Variants in ZNF737 observed in about 807,000 individuals in gnomAD.
ZNF737 encodes zinc finger protein 737, also known as zinc finger protein 102 (Y3).
Under a neutral mutation model 11.7 loss-of-function variants are expected in ZNF737, and 13 were observed. The ratio of observed to expected loss-of-function variants is 1.11; its 90% CI spans 0.73 to 1.77. The LOEUF (loss-of-function observed/expected upper bound fraction) is 1.77, where lower values mean the gene tolerates loss of function less well. ZNF737 is among the 40% of genes most tolerant of loss of function. The pLI, the probability that ZNF737 is intolerant of heterozygous loss-of-function variation, is 0.00. For missense variants in ZNF737, 636 were observed against 638.0 expected (o/e 1.00, Z 0.03); for synonymous variants, 217 against 216.2 (o/e 1.00, Z -0.03).
chr19:20,530,384 C>T, the ZNF737 span, among the ~76,000 whole-genome samples: 16 of 146,620 alleles, frequency 1.1e-4, 1 homozygote, highest in South Asian at 2.3e-4. Flanking sequence ...CCCTCCCGGA[C>T]GGGGCGACTG....
the ZNF737 span, among the ~76,000 whole-genome samples, chr19:20,530,448 G>A: frequency 9.4e-5 from 14 of 148,474 alleles, 1 homozygote; most frequent in East Asian, 8.3e-4. Context: ...GCTGCCGGGC[G>A]GAGACGCTCC....
At chr19:20,560,868 A>G (rs555229036) in intron 1 of ZNF737, among the ~76,000 whole-genome samples, 1 of 152,336 alleles carries the variant, frequency 6.6e-6, no homozygotes, top group East Asian at 1.9e-4. Context: ...GCTAAATAAT[A>G]AGAACACACA....
chr19:20,539,467 T>C lies in ZNF737; in HGVS notation c.*5125A>G. 1.0e-6 allele frequency: 1 copy of C among 985,446 alleles called. No individual in the cohort carries two copies. The highest frequency in any genetic ancestry group is 1.2e-6 in the Non-Finnish European group (1 of 829,936). 61.0% of individuals were successfully genotyped at this position (985,446 alleles called of 1,614,324 possible). A position where few individuals can be genotyped will look rare whatever the true frequency, so the allele number is the denominator to read the frequency against. On this transcript the variant is annotated 3_prime_UTR_variant, in exon 4 of 4. Coordinates refer to ENST00000427401, the MANE Select transcript of ZNF737 (RefSeq NM_001159293.2). ...TTAGTCATCTGGCCATTTCTGTAAGTACGGCAATTATGCGAAGCCATTGAA... is the reference window on the plus strand; with the variant it reads ...TTAGTCATCTGGCCATTTCTGTAAGCACGGCAATTATGCGAAGCCATTGAA...
At chr19:20,565,070 G>C (rs1969245104) in intron 1 of ZNF737, among the ~76,000 whole-genome samples, 1 of 151,670 alleles carries the variant, frequency 6.6e-6, no homozygotes, top group African/African-American at 2.4e-5. Context: ...GAGAAGCTGT[G>C]ATTACAGACA....
rs1161672154 is a variant in ZNF737, at chr19:20,545,794, A to G, written c.409T>C (p.Leu137=). 6.2e-7 allele frequency: 1 copy of G among 1,613,016 alleles called. No individual in the cohort carries two copies. The highest frequency in any genetic ancestry group is 1.3e-5 in the African/African-American group (1 of 74,832). Reference sequence around the variant, plus strand: ...AATATTTTGCTTTGAGTAGTTGTCAAATATTGGTTAAGTCCATTATAACCT... The same window carrying G: ...AATATTTTGCTTTGAGTAGTTGTCAGATATTGGTTAAGTCCATTATAACCT... ...KRGYNGLNQY[L]TTTQSKIFQC... is the part of the protein sequence containing the mutation. Residue 137 remains leucine (L), a synonymous_variant, in exon 4 of 4, where the codon TTG becomes CTG. Transcript: ENST00000427401.
Position 20,542,204 on chromosome 19 carries a change from AAAATT to A in ZNF737, c.*2383_*2387del, listed in dbSNP as rs1968234221. On this transcript the variant is annotated 3_prime_UTR_variant, in exon 4 of 4. Coordinates refer to ENST00000427401, the MANE Select transcript of ZNF737 (RefSeq NM_001159293.2). ...AGTCTTACCATGGTAAAAATAAAATAAAATTAAGTTCACAAATAATCTAACAAACT... is the reference window on the plus strand; with the variant it reads ...AGTCTTACCATGGTAAAAATAAAATAAAGTTCACAAATAATCTAACAAACT... 5 of 984,040 alleles carry A rather than the reference AAAATT, an allele frequency of 5.1e-6. No individual in the cohort carries two copies. Among genetic ancestry groups the A allele is most frequent in the African/African-American group, 1.8e-5 (1 of 57,110 alleles). The allele number at this position is 984,040 out of a possible 1,614,324, so 61.0% of individuals were successfully genotyped here.
rs868989548 is a variant in ZNF737, at chr19:20,546,358, T to C, written c.227-382A>G. ...CTGTAATCTCAGAACTCTGGGAAGG[T>C]GACACATGGGTGGATCATGAGAAAT... On this transcript the variant is annotated intron_variant, in intron 3 of 3. Coordinates refer to ENST00000427401, the MANE Select transcript of ZNF737 (RefSeq NM_001159293.2). Among the ~76,000 whole-genome samples the C allele has an allele frequency of 9.9e-5, 15 of 152,176 alleles. No homozygotes were observed. In the South Asian group the frequency reaches 2.3e-3, roughly 23 times the overall value.
chr19:20,549,531 G>A (rs1968588866), intron 3 of ZNF737, among the ~76,000 whole-genome samples: 1 of 151,892 alleles, frequency 6.6e-6, no homozygotes. Flanking sequence ...AGGAGGTCAA[G>A]GCAGAAGAAT....
chr19:20,557,168 G>T (rs782527319), intron 1 of ZNF737, among the ~76,000 whole-genome samples: 36 of 152,112 alleles, frequency 2.4e-4, no homozygotes, highest in Non-Finnish European at 4.3e-4. Context: ...AAATGTCTCC[G>T]CAAGCACTGG....
chr19:20,530,666 G>A, the ZNF737 span, among the ~76,000 whole-genome samples: 23 of 147,982 alleles, frequency 1.6e-4, 1 homozygote, highest in Admixed American at 1.4e-3. Flanking sequence ...CATCTCAGAC[G>A]ATGGGCAGCC....
chr19:20,544,416 T>C lies in ZNF737; in HGVS notation c.*176A>G. On this transcript the variant is annotated 3_prime_UTR_variant, in exon 4 of 4. Coordinates refer to ENST00000427401, the MANE Select transcript of ZNF737 (RefSeq NM_001159293.2). The stretch of plus-strand genomic sequence containing the variant: ...GGTGTCCTTAAAGGCTTTGCTGCAT[T>C]TTCTTATTTGTTGGGTTTCTTTCCC... The C allele has an allele frequency of 3.5e-6, 5 of 1,447,208 alleles. No individual in the cohort carries two copies. The highest frequency in any genetic ancestry group is 4.5e-6 in the Non-Finnish European group (5 of 1,107,290). The allele number at this position is 1,447,208 out of a possible 1,614,324, so 89.6% of individuals were successfully genotyped here.
rs530994970 is a variant in ZNF737 at position 20,563,204 on chromosome 19, T to C, written c.3+2434A>G. Among the ~76,000 whole-genome samples, 687 of 70,518 alleles carry C rather than the reference T, an allele frequency of 9.7e-3. 26 individuals carry two copies. The highest frequency in any genetic ancestry group is 0.097 in the Middle Eastern group (13 of 134). 46.3% of individuals were successfully genotyped at this position (70,518 alleles called of 152,430 possible). On this transcript the variant is annotated intron_variant, in intron 1 of 3. Coordinates refer to ENST00000427401, the MANE Select transcript of ZNF737 (RefSeq NM_001159293.2). ...TCTTAACCTCAGCTGCATCTGCCTG[T>C]GGGGCCCCAGCTTTCCAGGGCTCTG...
rs1363781779 is a variant in ZNF737 at position 20,565,719 on chromosome 19, G to A, written c.-79C>T. 1 of 1,599,858 alleles carries A rather than the reference G, an allele frequency of 6.3e-7. No individual in the cohort carries two copies. The highest frequency in any genetic ancestry group is 1.7e-5 in the Admixed American group (1 of 60,000). On this transcript the variant is annotated 5_prime_UTR_variant, in exon 1 of 4. Transcript: ENST00000427401. ...GCAGGACACAGGGCCACAGAGGCTG[G>A]GCCTCTAGGAGCAGAGGACACACAG...
At position 20,545,881 on chromosome 19, in the gene ZNF737, G is replaced by A. The variant is rs1968437940; in HGVS notation, c.322C>T (p.His108Tyr). 6.2e-7 allele frequency: 1 copy of A among 1,612,476 alleles called. No individual in the cohort carries two copies. The highest frequency in any genetic ancestry group is 1.1e-5 in the South Asian group (1 of 90,574). The change falls in exon 4 of 4, where the codon CAT becomes TAT. Residue 108 changes from histidine (H) to tyrosine (Y), a missense_variant. Coordinates refer to ENST00000427401, the MANE Select transcript of ZNF737 (RefSeq NM_001159293.2). ...VTLRRYENYG[H>Y]DNLQFKKGCE... ...CCCTTTTTAAACTGTAAATTGTCAT[G>A]TCCATAGTTTTCATATCTTCTCAGT...
downstream of ZNF737, among the ~76,000 whole-genome samples, chr19:20,532,047 TC>T (rs1568418345): frequency 6.7e-6 from 1 of 150,192 alleles, no homozygotes; most frequent in Non-Finnish European, 1.5e-5. Context: ...CAAAGCTCTA[TC>T]TTCAAAGGCA....
intron 3 of ZNF737, among the ~76,000 whole-genome samples, chr19:20,547,376 G>A (rs1396785812): frequency 6.6e-4 from 72 of 109,532 alleles, no homozygotes; most frequent in Admixed American, 1.9e-3. Flanking sequence ...GCGAGACTCC[G>A]TCTCAAAAAA....
intron 1 of ZNF737, among the ~76,000 whole-genome samples, chr19:20,563,486 CTTTTTTT>C (rs59511067): frequency 8.1e-6 from 1 of 123,672 alleles, no homozygotes. Flanking sequence ...GAAGTGCTTA[CTTTTTTT>C]TTTTTTTTTT....
downstream of ZNF737, among the ~76,000 whole-genome samples, chr19:20,536,535 G>A (rs551047839): frequency 2.0e-5 from 3 of 152,170 alleles, no homozygotes; most frequent in African/African-American, 7.2e-5. Flanking sequence ...AACAGGTCAA[G>A]CATGGTGGCT....
chr19:20,530,833 G>A (rs529109551), downstream of ZNF737, among the ~76,000 whole-genome samples: 1,099 of 148,206 alleles, frequency 7.4e-3, 77 homozygotes, highest in African/African-American at 0.027. Context: ...GGTGGCGGCC[G>A]GGCAGAGGCT....
Sources: allele counts gnomAD v4.1 joint callset (sites outside exome capture counted in the v4.1 genomes callset), GRCh38; gene constraint gnomAD v4.1.1; transcripts MANE v1.5; gene names NCBI Gene and HGNC (gene_info 2026-07-23, HGNC 2026-07-21).